The following BPTF variants were observed in gnomAD, a reference collection of about 807,000 sequenced individuals.
BPTF encodes the protein bromodomain PHD finger transcription factor, also known as nucleosome-remodeling factor subunit BPTF.
Under a neutral mutation model 292.5 loss-of-function variants are expected in BPTF, and 18 were observed. That is an observed-to-expected ratio of 0.06 (90% CI 0.04 to 0.09). The LOEUF (loss-of-function observed/expected upper bound fraction) is 0.09, where lower values mean the gene tolerates loss of function less well. BPTF is among the 10% of genes least tolerant of loss of function. The pLI is 1.00. For missense variants in BPTF, 2,726 were observed against 3,498.7 expected (o/e 0.78, Z 5.57); for synonymous variants, 1,225 against 1,251.9 (o/e 0.98, Z 0.45).
chr17:67,923,422 G>T (rs2063596206), intron 14 of BPTF, among the ~76,000 whole-genome samples: 2 of 136,202 alleles, frequency 1.5e-5, no homozygotes, highest in South Asian at 5.3e-4. Context: ...CTCCACCTTT[G>T]ATTTTAAGTG....
chr17:67,949,143 ATTGT>A (rs1192415965), intron 23 of BPTF, among the ~76,000 whole-genome samples: 1 of 152,212 alleles, frequency 6.6e-6, no homozygotes, highest in Non-Finnish European at 1.5e-5. Flanking sequence ...AGGTAGGCAG[ATTGT>A]TTGAGCCCAG....
intron 23 of BPTF, 62 bp from the exon 24 acceptor site, chr17:67,959,478 TG>T: frequency 7.4e-7 from 1 of 1,345,374 alleles, no homozygotes; most frequent in Non-Finnish European, 1.0e-6. Context: ...TACCATCTTC[TG>T]GCCAGATCAC....
Position 67,982,586 on chromosome 17 carries a change from A to G in BPTF, c.*298A>G, listed in dbSNP as rs2148714417. On this transcript the variant is annotated 3_prime_UTR_variant, in exon 28 of 28. Coordinates refer to ENST00000306378, the MANE Select transcript of BPTF (RefSeq NM_182641.4). ...GAAAAAGAAAGCAAGAAAAAAAGAT[A>G]CTATGGGGTCAAGTGTAACTCCATG... The G allele has an allele frequency of 3.7e-6, 1 of 270,442 alleles. No homozygotes were observed. Among genetic ancestry groups the G allele is most frequent in the East Asian group, 6.5e-5 (1 of 15,330 alleles). 16.8% of individuals were successfully genotyped at this position (270,442 alleles called of 1,614,324 possible). A position where few individuals can be genotyped will look rare whatever the true frequency, so the allele number is the denominator to read the frequency against.
chr17:67,850,236 CGTT>C (rs1567896365), intron 1 of BPTF, among the ~76,000 whole-genome samples: 1 of 152,100 alleles, frequency 6.6e-6, no homozygotes, highest in Admixed American at 6.5e-5. Flanking sequence ...AAATCCCTGT[CGTT>C]AAGGAGATTA....
Position 67,964,349 on chromosome 17 carries a change from C to T in BPTF, c.8399C>T (p.Thr2800Met), listed in dbSNP as rs2067799540. The part of the protein sequence containing the change: ...QSTEDAMTVL[T>M]PLTEKDYEGL... ...ACAGAGGATGCCATGACAGTGCTCACGCCACTAACAGAGAAGGATTATGAG... is the reference window on the plus strand; with the variant it reads ...ACAGAGGATGCCATGACAGTGCTCATGCCACTAACAGAGAAGGATTATGAG... Residue 2800 changes from threonine (T) to methionine (M), a missense_variant, in exon 25 of 28, where the codon ACG (threonine) becomes ATG (methionine). Transcript: ENST00000306378. 9 of 1,614,148 alleles carry T rather than the reference C, an allele frequency of 5.6e-6. No individual in the cohort carries two copies. The highest frequency in any genetic ancestry group is 7.6e-6 in the Non-Finnish European group (9 of 1,180,026).
At position 67,944,196 on chromosome 17, in the gene BPTF, C is replaced by T. The variant is rs1555673265; in HGVS notation, c.6524C>T (p.Thr2175Ile). Residue 2175 changes from threonine (T) to isoleucine (I), a missense_variant, in exon 20 of 28, where the codon ACT becomes ATT. Physicochemically the swap from Thr to Ile is moderately conservative, Grantham distance 89 (BLOSUM62 -1). Transcript: ENST00000306378. Reference sequence around the variant, plus strand: ...GTAGTAATTCAAGGACAAGGTCAAACTACTGGACAGTTGCAGTTGATACCT... The same window carrying T: ...GTAGTAATTCAAGGACAAGGTCAAATTACTGGACAGTTGCAGTTGATACCT... ...LTVVIQGQGQ[T>I]TGQLQLIPQG... 3 of 1,614,240 alleles carry T rather than the reference C, an allele frequency of 1.9e-6. No individual in the cohort carries two copies. Among genetic ancestry groups the T allele is most frequent in the Non-Finnish European group, 2.5e-6 (3 of 1,180,044 alleles).
At chr17:67,880,241 G>T (rs2060312612) in intron 4 of BPTF, among the ~76,000 whole-genome samples, 1 of 151,780 alleles carries the variant, frequency 6.6e-6, no homozygotes, top group African/African-American at 2.4e-5. Flanking sequence ...ACACAACTTT[G>T]TCTTTGTTGA....
intron 17 of BPTF, among the ~76,000 whole-genome samples, chr17:67,929,944 C>A (rs908319041): frequency 6.7e-6 from 1 of 150,050 alleles, no homozygotes; most frequent in Non-Finnish European, 1.5e-5. Context: ...GGCAAAACCC[C>A]ATCTCTACAA....
intron 18 of BPTF, among the ~76,000 whole-genome samples, chr17:67,934,762 C>G (rs935005566): frequency 3.4e-5 from 5 of 148,482 alleles, no homozygotes; most frequent in Non-Finnish European, 5.9e-5. Flanking sequence ...GTCCCAGCCA[C>G]TTGGGAGGCT....
chr17:67,843,111 G>T (rs1158256806), intron 1 of BPTF, among the ~76,000 whole-genome samples: 60 of 149,900 alleles, frequency 4.0e-4, no homozygotes, highest in Admixed American at 4.0e-3. Flanking sequence ...TATATATGTA[G>T]ATGTATGTAG....
chr17:67,902,683 G>A (rs973247537), intron 7 of BPTF, among the ~76,000 whole-genome samples: 5 of 152,148 alleles, frequency 3.3e-5, no homozygotes, highest in Non-Finnish European at 5.9e-5. Context: ...CAAAGCCGTC[G>A]TAAAAGTTGG....
chr17:67,886,375 T>TTGTGTG, intron 4 of BPTF: 1 of 1,221,694 alleles, frequency 8.2e-7, no homozygotes, highest in Non-Finnish European at 1.1e-6. Context: ...TTTCTTTTTT[T>TTGTGTG]TGTGTGTGTG....
Position 67,825,930 on chromosome 17 carries a change from G to A in BPTF, c.206G>A (p.Gly69Glu), listed in dbSNP as rs1244643578. 31 of 1,015,616 alleles carry A rather than the reference G, an allele frequency of 3.1e-5. No homozygotes were observed. Among genetic ancestry groups the A allele is most frequent in the South Asian group, 8.9e-5 (2 of 22,418 alleles). 62.9% of individuals were successfully genotyped at this position (1,015,616 alleles called of 1,614,324 possible). ...APKTRLSSPR[G>E]GSSSRRKPPP... ...AAGACGCGGCTGAGCTCGCCCAGGGGGGGCAGCAGTAGCCGGAGGAAGCCG... is the reference window on the plus strand; with the variant it reads ...AAGACGCGGCTGAGCTCGCCCAGGGAGGGCAGCAGTAGCCGGAGGAAGCCG... The change falls in exon 1 of 28, where the codon GGG becomes GAG. Residue 69 changes from glycine (G) to glutamate (E), a missense_variant. Coordinates refer to ENST00000306378, the MANE Select transcript of BPTF (RefSeq NM_182641.4).
chr17:67,852,249 AT>A (rs1340836966), intron 1 of BPTF, among the ~76,000 whole-genome samples: 1 of 152,066 alleles, frequency 6.6e-6, no homozygotes, highest in Non-Finnish European at 1.5e-5. Context: ...GAGTATTAAT[AT>A]TTTTATATTT....
At chr17:67,895,113 A>G (rs2061354369) in intron 7 of BPTF, among the ~76,000 whole-genome samples, 1 of 152,142 alleles carries the variant, frequency 6.6e-6, no homozygotes, top group Non-Finnish European at 1.5e-5. Flanking sequence ...ATATAAATAC[A>G]AGCCAGGCAC....
At chr17:67,926,736 C>A (rs1399036875) in intron 15 of BPTF, among the ~76,000 whole-genome samples, 2 of 152,012 alleles carry the variant, frequency 1.3e-5, no homozygotes, top group Non-Finnish European at 2.9e-5. Context: ...TGTTCTATTT[C>A]TTTGCCTCCT....
chr17:67,947,610 AT>A, intron 21 of BPTF, 115 bp from the exon 22 acceptor site: 1 of 775,334 alleles, frequency 1.3e-6, no homozygotes, highest in Non-Finnish European at 2.0e-6. Flanking sequence ...ACGATATAAA[AT>A]TCTTACAGTT....
chr17:67,929,075 G>A, intron 16 of BPTF: 1 of 1,283,220 alleles, frequency 7.8e-7, no homozygotes, highest in Admixed American at 3.7e-5. Context: ...GCCACTTCCT[G>A]CAAACAGCAA....
intron 2 of BPTF, among the ~76,000 whole-genome samples, chr17:67,857,223 G>C (rs1169742985): frequency 6.8e-6 from 1 of 146,042 alleles, no homozygotes; most frequent in Admixed American, 7.1e-5. Flanking sequence ...GTGCAATGGC[G>C]TGATCTCGGC....
Sources: allele counts gnomAD v4.1 joint callset (sites outside exome capture counted in the v4.1 genomes callset), GRCh38; gene constraint gnomAD v4.1.1; transcripts MANE v1.5; gene names NCBI Gene and HGNC (gene_info 2026-07-23, HGNC 2026-07-21).